Variants in FGF13 observed in about 807,000 individuals in gnomAD.
FGF13 encodes fibroblast growth factor homologous factor 2.
Under a neutral mutation model 19.5 loss-of-function variants are expected in FGF13, and 2 were observed. That is an observed-to-expected ratio of 0.10 (90% CI 0.04 to 0.32). The LOEUF (loss-of-function observed/expected upper bound fraction) is 0.32. Among genes scored for constraint, FGF13 ranks in the 10% least tolerant of loss-of-function variants. FGF13 has a pLI of 1.00. For missense variants in FGF13, 113 were observed against 192.7 expected (o/e 0.59, Z 2.45); for synonymous variants, 72 against 76.9 (o/e 0.94, Z 0.33).
At chrX:138,643,521 T>C (rs1423920266) in intron 3 of FGF13, among the ~76,000 whole-genome samples, 2 of 112,228 alleles carry the variant, frequency 1.8e-5, no homozygotes, top group African/African-American at 6.5e-5. Flanking sequence ...TTCAAGACTG[T>C]GTGACTGGCC....
chrX:139,091,295 A>G (rs1347987799), intron 1 of FGF13, among the ~76,000 whole-genome samples: 5 of 111,186 alleles, frequency 4.5e-5, no homozygotes, highest in African/African-American at 1.6e-4. Flanking sequence ...GCAGTTTATC[A>G]TCTCCCACAG....
intron 1 of FGF13, among the ~76,000 whole-genome samples, chrX:138,921,850 G>T (rs1267348323): frequency 9.3e-6 from 1 of 107,891 alleles, no homozygotes; most frequent in Non-Finnish European, 1.9e-5. Flanking sequence ...ACTGCAGGGA[G>T]ATCCAAAAAT....
intron 1 of FGF13, among the ~76,000 whole-genome samples, chrX:139,058,500 A>T (rs2092326434): frequency 1.8e-5 from 2 of 111,601 alleles, no homozygotes; most frequent in Admixed American, 1.9e-4. Flanking sequence ...CACAGTCACA[A>T]TTTAGTCATA....
chrX:138,683,305 G>A (rs1004165429), intron 3 of FGF13, among the ~76,000 whole-genome samples: 2 of 110,050 alleles, frequency 1.8e-5, no homozygotes, highest in South Asian at 3.9e-4. Context: ...GGGGATTATC[G>A]GTCAGGAACT....
chrX:139,198,647 A>G (rs755645714), intron 1 of FGF13, among the ~76,000 whole-genome samples: 22 of 112,410 alleles, frequency 2.0e-4, no homozygotes, highest in Non-Finnish European at 7.5e-5. Flanking sequence ...TATTTATTAC[A>G]ACTCAGATCC....
chrX:138,911,248 A>AG (rs1326340132), intron 1 of FGF13, among the ~76,000 whole-genome samples: 1 of 111,841 alleles, frequency 8.9e-6, no homozygotes, highest in African/African-American at 3.3e-5. Context: ...TTCTGTAGTG[A>AG]GAATGCCTGT....
At chrX:138,984,521 G>GAAGAAC (rs1287628523) in intron 1 of FGF13, among the ~76,000 whole-genome samples, 3 of 22,797 alleles carry the variant, frequency 1.3e-4, no homozygotes, top group Admixed American at 5.0e-4. Context: ...GGAAGAAGAA[G>GAAGAAC]AGGAAGAAGA....
intron 3 of FGF13, among the ~76,000 whole-genome samples, chrX:138,808,047 A>T (rs1269161429): frequency 9.0e-6 from 1 of 111,589 alleles, no homozygotes; most frequent in Admixed American, 9.5e-5. Flanking sequence ...CAGAAAGTTA[A>T]CAAGGATATC....
chrX:138,915,472 C>T (rs762294670), intron 1 of FGF13, among the ~76,000 whole-genome samples: 1 of 112,162 alleles, frequency 8.9e-6, no homozygotes, highest in East Asian at 2.8e-4. Flanking sequence ...CTACAAGCAG[C>T]TTTACCAAAA....
intron 1 of FGF13, among the ~76,000 whole-genome samples, chrX:138,981,388 T>C (rs764936697): frequency 3.7e-5 from 4 of 109,546 alleles, no homozygotes; most frequent in East Asian, 5.8e-4. Context: ...GTTATCCTGA[T>C]GAGAAATGAG....
At chrX:138,848,641 T>C (rs1443874546) in intron 3 of FGF13, among the ~76,000 whole-genome samples, 1 of 111,828 alleles carries the variant, frequency 8.9e-6, no homozygotes, top group African/African-American at 3.2e-5. Flanking sequence ...TTTGAAATGC[T>C]TGGGACCAGA....
chrX:138,645,158 A>C (rs2089292512), intron 3 of FGF13, among the ~76,000 whole-genome samples: 1 of 111,575 alleles, frequency 9.0e-6, no homozygotes, highest in Admixed American at 9.5e-5. Flanking sequence ...AATATATAAC[A>C]ATCTGCTTTA....
rs772705188 is a variant in FGF13 at position 138,930,340 on chromosome X, T to A, written c.-112-65690A>T. Among the ~76,000 whole-genome samples, 4 of 112,439 alleles carry A rather than the reference T, an allele frequency of 3.6e-5. No individual in the cohort carries two copies. The East Asian group carries it at 1.1e-3, about 31-fold the overall frequency. ...TTCAATTAATAACTGCTGTGTTCAT[T>A]TATTTAGTAAAAGCAAAGTTTAGAT... On this transcript the variant is annotated intron_variant, in intron 1 of 2. Transcript: ENST00000421460.
chrX:138,758,944 C>G (rs1161435458), intron 3 of FGF13, among the ~76,000 whole-genome samples: 1 of 112,113 alleles, frequency 8.9e-6, no homozygotes, highest in Non-Finnish European at 1.9e-5. Context: ...CATTTTAATA[C>G]AAAAGTGCTC....
At chrX:139,155,900 G>A (rs2083973254) in intron 1 of FGF13, among the ~76,000 whole-genome samples, 1 of 112,157 alleles carries the variant, frequency 8.9e-6, no homozygotes, top group South Asian at 3.7e-4. Flanking sequence ...TTGGGATCAT[G>A]GTTTAGGGAT....
chrX:139,027,191 C>T (rs1156995324), intron 1 of FGF13, among the ~76,000 whole-genome samples: 2 of 112,082 alleles, frequency 1.8e-5, no homozygotes, highest in Admixed American at 9.4e-5. Context: ...AATATTTGTT[C>T]TTATGTAAGC....
chrX:138,792,213 T>C (rs2090747799), intron 3 of FGF13, among the ~76,000 whole-genome samples: 1 of 112,268 alleles, frequency 8.9e-6, no homozygotes, highest in Non-Finnish European at 1.9e-5. Flanking sequence ...TCAACAACAA[T>C]AACAACGATA....
chrX:138,830,458 G>A (rs905749582), intron 3 of FGF13, among the ~76,000 whole-genome samples: 19 of 111,788 alleles, frequency 1.7e-4, no homozygotes, highest in African/African-American at 2.3e-4. Context: ...GATTGTGCAC[G>A]TGTCCTAGAA....
chrX:138,729,262 T>C (rs781220481), intron 1 of FGF13, among the ~76,000 whole-genome samples: 1 of 110,858 alleles, frequency 9.0e-6, no homozygotes, highest in Non-Finnish European at 1.9e-5. Flanking sequence ...TTTTAAAAGG[T>C]CTAGTGAGAA....
Sources: allele counts gnomAD v4.1 joint callset (sites outside exome capture counted in the v4.1 genomes callset), GRCh38; gene constraint gnomAD v4.1.1; transcripts MANE v1.5; gene names NCBI Gene and HGNC (gene_info 2026-07-23, HGNC 2026-07-21).